TMEM135: variants seen among roughly 807,000 people sequenced by gnomAD.
TMEM135 encodes the protein transmembrane protein 135.
TMEM135 carries 30 observed loss-of-function variants against 60.3 expected under a neutral mutation model. That is an observed-to-expected ratio of 0.50 (90% CI 0.37 to 0.68). TMEM135 has a LOEUF of 0.68. TMEM135 is among the 30% of genes least tolerant of loss of function. TMEM135 has a pLI of 0.00. For missense variants in TMEM135, 468 were observed against 548.8 expected, an observed-to-expected ratio of 0.85 and a Z score of 1.47; for synonymous variants, 190 against 186.7, an observed-to-expected ratio of 1.02 and a Z score of -0.14.
chr11:87,294,207 G>T (rs1344965716), intron 6 of TMEM135, among the ~76,000 whole-genome samples: 3 of 152,124 alleles, frequency 2.0e-5, no homozygotes, highest in Non-Finnish European at 2.9e-5. Context: ...TTTTGATGGG[G>T]TTGTTTTAAA....
chr11:87,166,195 T>G (rs930885770), intron 5 of TMEM135, among the ~76,000 whole-genome samples: 7 of 151,610 alleles, frequency 4.6e-5, no homozygotes, highest in Admixed American at 2.6e-4. Context: ...GTAAATTTAT[T>G]TAAGTATTAG....
intron 4 of TMEM135, among the ~76,000 whole-genome samples, chr11:87,130,166 ATTTTT>A: frequency 6.8e-6 from 1 of 146,760 alleles, no homozygotes; most frequent in Admixed American, 6.8e-5. Context: ...CAGTTCCAGC[ATTTTT>A]TTTTTTTTAA....
chr11:87,059,094 T>A (rs913738450), intron 1 of TMEM135, among the ~76,000 whole-genome samples: 49 of 151,332 alleles, frequency 3.2e-4, no homozygotes, highest in African/African-American at 1.2e-3. Context: ...CCCACCATCA[T>A]GACTGGCTAA....
intron 5 of TMEM135, among the ~76,000 whole-genome samples, chr11:87,216,288 A>G (rs989159442): frequency 2.7e-4 from 41 of 152,100 alleles, no homozygotes; most frequent in Non-Finnish European, 5.0e-4. Context: ...TTGAGAGTAG[A>G]CCTAAGATAT....
intron 4 of TMEM135, among the ~76,000 whole-genome samples, chr11:87,115,409 A>G (rs1298480854): frequency 6.6e-6 from 1 of 152,132 alleles, no homozygotes; most frequent in African/African-American, 2.4e-5. Flanking sequence ...AAAAAAGTAA[A>G]ATAAAGTGAT....
intron 5 of TMEM135, among the ~76,000 whole-genome samples, chr11:87,192,909 G>A (rs1213105450): frequency 6.6e-6 from 1 of 152,172 alleles, no homozygotes; most frequent in Non-Finnish European, 1.5e-5. Context: ...GAGATCAGGA[G>A]TTCAAGGCCA....
At chr11:87,156,353 C>T (rs1013709431) in intron 4 of TMEM135, among the ~76,000 whole-genome samples, 24 of 151,942 alleles carry the variant, frequency 1.6e-4, no homozygotes, top group Middle Eastern at 3.2e-3. Flanking sequence ...GGTCCCTTAA[C>T]GTTCTATATG....
chr11:87,247,992 A>C (rs549493742), intron 6 of TMEM135, among the ~76,000 whole-genome samples: 1 of 150,124 alleles, frequency 6.7e-6, no homozygotes, highest in African/African-American at 2.5e-5. Flanking sequence ...CTATTCAGCC[A>C]TCTTGGCTGC....
chr11:87,258,952 T>C, intron 6 of TMEM135: 6 of 1,499,598 alleles, frequency 4.0e-6, no homozygotes, highest in Non-Finnish European at 4.6e-6. Context: ...CTGCTGTTGC[T>C]CGGTTTGCAT....
At position 87,130,634 on chromosome 11, in the gene TMEM135, G is replaced by C. The variant is rs144503334; in HGVS notation, c.397-26707G>C. 2.0e-3 allele frequency among the ~76,000 whole-genome samples: 312 copies of C among 152,196 alleles called. 1 individual carries two copies. The highest frequency in any genetic ancestry group is 7.3e-3 in the African/African-American group (304 of 41,540). On this transcript the variant is annotated intron_variant, in intron 4 of 14. Transcript: ENST00000305494. ...TTGGAACTATAGTATGGGATGAGTAGCTGTTAAACCTTTTGTAATTTTAAT... is the reference window on the plus strand; with the variant it reads ...TTGGAACTATAGTATGGGATGAGTACCTGTTAAACCTTTTGTAATTTTAAT...
At chr11:87,121,820 A>C (rs1937602245) in intron 4 of TMEM135, among the ~76,000 whole-genome samples, 1 of 151,902 alleles carries the variant, frequency 6.6e-6, no homozygotes, top group East Asian at 1.9e-4. Context: ...TTGTATTTTT[A>C]GTAGAGACGG....
chr11:87,202,453 A>G (rs776507484), intron 5 of TMEM135, among the ~76,000 whole-genome samples: 1 of 152,024 alleles, frequency 6.6e-6, no homozygotes, highest in Non-Finnish European at 1.5e-5. Flanking sequence ...AGCCTCCTGA[A>G]CAGCTGGGAC....
chr11:87,090,893 A>C (rs1591011280), intron 3 of TMEM135, among the ~76,000 whole-genome samples: 1 of 152,236 alleles, frequency 6.6e-6, no homozygotes, highest in Admixed American at 6.5e-5. Flanking sequence ...TTGTAATATT[A>C]TTTAATGAAA....
At chr11:87,245,695 A>G (rs1372943758) in intron 6 of TMEM135, among the ~76,000 whole-genome samples, 7 of 127,334 alleles carry the variant, frequency 5.5e-5, no homozygotes, top group African/African-American at 1.9e-4. Context: ...TTTGTTTTCC[A>G]TTTGCTTGGT....
chr11:87,130,283 G>A (rs2135230664), intron 4 of TMEM135, among the ~76,000 whole-genome samples: 1 of 151,870 alleles, frequency 6.6e-6, no homozygotes, highest in Middle Eastern at 3.4e-3. Flanking sequence ...TTTCATTTGT[G>A]TTTTGCTTTC....
At chr11:87,143,692 C>T (rs1394765610) in intron 4 of TMEM135, among the ~76,000 whole-genome samples, 2 of 152,120 alleles carry the variant, frequency 1.3e-5, no homozygotes, top group Non-Finnish European at 2.9e-5. Context: ...CAAAATTAAG[C>T]AGTCAGTCAA....
At chr11:87,153,163 A>G (rs1280241157) in intron 4 of TMEM135, among the ~76,000 whole-genome samples, 1 of 152,238 alleles carries the variant, frequency 6.6e-6, no homozygotes, top group East Asian at 1.9e-4. Context: ...TTAGAAATGC[A>G]TTCCTATTAT....
At chr11:87,211,508 T>C (rs1234336948) in intron 5 of TMEM135, among the ~76,000 whole-genome samples, 1 of 152,164 alleles carries the variant, frequency 6.6e-6, no homozygotes, top group Non-Finnish European at 1.5e-5. Context: ...ACAGGAACCA[T>C]TGCAGAATTT....
At chr11:87,127,335 A>C (rs369966843) in intron 4 of TMEM135, among the ~76,000 whole-genome samples, 1 of 152,198 alleles carries the variant, frequency 6.6e-6, no homozygotes, top group East Asian at 1.9e-4. Context: ...TTATTGCTCC[A>C]TGGGTGCCAG....
Sources: gnomAD v4.1 joint callset for allele counts (sites outside exome capture counted in the v4.1 genomes callset) on GRCh38, gnomAD v4.1.1 for gene constraint, MANE v1.5 for transcripts, NCBI Gene and HGNC (gene_info 2026-07-23, HGNC 2026-07-21) for gene names.